The following ATM variants were observed in gnomAD, a reference collection of about 807,000 sequenced individuals.
ATM encodes serine-protein kinase ATM.
A neutral mutation model predicts 387.0 loss-of-function variants in ATM; 308 were observed. That is an observed-to-expected ratio of 0.80 (90% CI 0.73 to 0.87). The LOEUF (loss-of-function observed/expected upper bound fraction) is 0.87, where lower values mean the gene tolerates loss of function less well. ATM is among the 40% of genes least tolerant of loss of function. The pLI is 0.00. For synonymous variants in ATM, 1,156 were observed against 1,187.3 expected (o/e 0.97, Z 0.54); for missense variants, 3,312 against 3,560.9 (o/e 0.93, Z 1.78).
At chr11:108,349,812 G>A (rs1038053350) in intron 59 of ATM, among the ~76,000 whole-genome samples, 4 of 152,134 alleles carry the variant, frequency 2.6e-5, no homozygotes, top group Admixed American at 1.3e-4. Flanking sequence ...AGATACAGGA[G>A]AAAAACAAAA....
chr11:108,330,694 G>A lies in ATM; in HGVS notation c.7515+273G>A, dbSNP rs2086161851. ...TGTGGAGGTGATAGAATTTAGCTTG[G>A]TCCTATGTCTTTGCAGTTACCATAG... On this transcript the variant is annotated intron_variant, in intron 50 of 62. Transcript: ENST00000675843. 1.3e-5 allele frequency among the ~76,000 whole-genome samples: 2 copies of A among 152,184 alleles called. 1 individual carries two copies. Among genetic ancestry groups the A allele is most frequent in the South Asian group, 4.1e-4 (2 of 4,830 alleles).
At chr11:108,364,966 C>A in intron 61 of ATM, 116 bp from the exon 62 acceptor site, 1 of 1,168,842 alleles carries the variant, frequency 8.6e-7, no homozygotes, top group Non-Finnish European at 1.2e-6. Flanking sequence ...TGTTTGTTCC[C>A]CTCCCCCATC....
intron 12 of ATM, 83 bp downstream of exon 12, chr11:108,252,995 C>A: frequency 8.3e-7 from 1 of 1,208,198 alleles, no homozygotes; most frequent in Non-Finnish European, 1.2e-6. Context: ...GTAGTAGCTG[C>A]ATCTTAATAA....
At chr11:108,279,385 C>T in intron 22 of ATM, 106 bp from the exon 23 acceptor site, 1 of 824,746 alleles carries the variant, frequency 1.2e-6, no homozygotes, top group Non-Finnish European at 2.0e-6. Flanking sequence ...GTTATTATGT[C>T]TCACAGAGTG....
intron 51 of ATM, 21 bp from the exon 52 acceptor site, chr11:108,331,858 C>T (rs2136512963): frequency 6.2e-7 from 1 of 1,611,014 alleles, no homozygotes; most frequent in East Asian, 2.2e-5. Context: ...TTGCATAAAT[C>T]TAATAGTTCT....
chr11:108,295,003 G>T lies in ATM; in HGVS notation c.4853G>T (p.Arg1618Leu), dbSNP rs765759912. ...LTRLEGLKDL[R>L]RQLELHKDQM... ...AGACTTGAAGGACTAAAGGATCTTCGAAGACAACTGGAACTACATAAAGAT... is the reference window on the plus strand; with the variant it reads ...AGACTTGAAGGACTAAAGGATCTTCTAAGACAACTGGAACTACATAAAGAT... Residue 1618 changes from arginine to leucine, a missense_variant, in exon 32 of 63, where the codon CGA (arginine) becomes CTA (leucine). Arg to Leu is a moderately radical substitution (Grantham distance 102, BLOSUM62 -2). Around this residue, in one of 4 missense-constraint regions of ATM, gnomAD observed 1,405 missense variants for 1,604.4 expected, o/e 0.88. Transcript: ENST00000675843. The T allele has an allele frequency of 1.2e-6, 2 of 1,613,880 alleles. No homozygotes were observed. The highest frequency in any genetic ancestry group is 2.2e-5 in the East Asian group (1 of 44,828).
chr11:108,253,022 T>G, intron 12 of ATM, 110 bp downstream of exon 12: 1 of 979,374 alleles, frequency 1.0e-6, no homozygotes, highest in South Asian at 1.5e-5. Flanking sequence ...ACTAAATTGG[T>G]CCAAAAAAAT....
chr11:108,299,840 C>G lies in ATM; in HGVS notation c.5132C>G (p.Thr1711Ser), dbSNP rs1291016764. 1.2e-6 allele frequency: 2 copies of G among 1,613,782 alleles called. No individual in the cohort carries two copies. Among genetic ancestry groups the G allele is most frequent in the Admixed American group, 3.3e-5 (2 of 59,988 alleles). The change falls in exon 34 of 63, where the codon ACC becomes AGC. Residue 1711 changes from threonine (T) to serine (S), a missense_variant. Thr to Ser is a moderately conservative substitution (Grantham distance 58). Around this residue, in one of 4 missense-constraint regions of ATM, gnomAD observed 1,405 missense variants for 1,604.4 expected, o/e 0.88. Coordinates refer to ENST00000675843, the MANE Select transcript of ATM (RefSeq NM_000051.4). The stretch of plus-strand genomic sequence containing the variant: ...TTTGAAGATAAAGAACTTCAGTGGA[C>G]CTTCATAATGCTGACCTACCTGAAT... ...KLFEDKELQWTFIMLTYLNNT... is the reference protein window; with the variant it reads ...KLFEDKELQWSFIMLTYLNNT...
At chr11:108,227,565 T>C in intron 1 of ATM, 30 bp from the exon 2 acceptor site, 1 of 1,344,930 alleles carries the variant, frequency 7.4e-7, no homozygotes, top group South Asian at 1.2e-5. Flanking sequence ...TACATATACA[T>C]ATATATACCT....
chr11:108,297,002 G>C (rs572443720), intron 32 of ATM: 183 of 377,368 alleles, frequency 4.8e-4, no homozygotes, highest in African/African-American at 3.3e-3. Flanking sequence ...AATGATTCTT[G>C]TGCTTCTGTT....
chr11:108,235,249 T>C (rs1448998174), intron 4 of ATM, among the ~76,000 whole-genome samples: 1 of 151,620 alleles, frequency 6.6e-6, no homozygotes, highest in African/African-American at 2.4e-5. Flanking sequence ...TGTGCTGAGT[T>C]TGTGCCACTG....
intron 59 of ATM, among the ~76,000 whole-genome samples, chr11:108,349,520 G>A (rs1338241656): frequency 2.6e-5 from 4 of 152,106 alleles, no homozygotes; most frequent in African/African-American, 7.2e-5. Context: ...AAAATTAGCC[G>A]GGCGAGGTGG....
intron 61 of ATM, among the ~76,000 whole-genome samples, chr11:108,360,091 C>A (rs1375255842): frequency 2.6e-5 from 4 of 151,446 alleles, no homozygotes; most frequent in African/African-American, 9.7e-5. Context: ...CAAATAGACA[C>A]AATAAAAAAT....
chr11:108,312,463 G>T lies in ATM; in HGVS notation c.5971G>T (p.Glu1991Ter), dbSNP rs786203404. Reference protein sequence around the residue: ...SQSTTISSLSEKSKEETGISL... With the variant: ...SQSTTISSLS ...GAGTACAACTATTTCTAGCTTGAGT[G>T]AAAAAAGTAAAGAAGAAACTGGAAT... is the stretch of plus-strand genomic sequence containing the variant. Residue 1991 changes from glutamate (E) to a stop codon, truncating the protein, a stop_gained, in exon 40 of 63, where the codon GAA (glutamate) becomes TAA (stop). Transcript: ENST00000675843. LOFTEE classifies it high-confidence loss of function. The T allele has an allele frequency of 6.3e-7, 1 of 1,594,348 alleles. No individual in the cohort carries two copies. The highest frequency in any genetic ancestry group is 8.6e-7 in the Non-Finnish European group (1 of 1,162,542).
chr11:108,335,312 A>G (rs1366176284), intron 55 of ATM: 1 of 1,468,604 alleles, frequency 6.8e-7, no homozygotes, highest in Non-Finnish European at 9.1e-7. Context: ...AATCATTATT[A>G]TATGGTTGAT....
chr11:108,253,128 TA>T (rs1424955576), intron 12 of ATM, among the ~76,000 whole-genome samples: 1 of 152,162 alleles, frequency 6.6e-6, no homozygotes, highest in African/African-American at 2.4e-5. Context: ...TAATGCTGTA[TA>T]GTATAATATG....
rs3092837 is a variant in ATM, at chr11:108,366,192, T to G, written c.*684T>G. ...ATTAAAACTTCTCATTCTATTCTCT[T>G]TATCTTTTAAGCCCTTCTGTACTGT... On this transcript the variant is annotated 3_prime_UTR_variant, in exon 63 of 63. Coordinates refer to ENST00000675843, the MANE Select transcript of ATM (RefSeq NM_000051.4). The G allele has an allele frequency of 8.3e-3, 1,612 of 194,936 alleles. 27 individuals carry two copies. The highest frequency in any genetic ancestry group is 0.034 in the African/African-American group (1,492 of 43,400). 12.1% of individuals were successfully genotyped at this position (194,936 alleles called of 1,614,324 possible).
Position 108,295,432 on chromosome 11 carries a change from T to A in ATM, c.4909+373T>A, listed in dbSNP as rs1170100705. 6 of 244,576 alleles carry A rather than the reference T, an allele frequency of 2.5e-5. No homozygotes were observed. In the East Asian group the frequency reaches 6.5e-4, roughly 27 times the overall value. 15.2% of individuals were successfully genotyped at this position (244,576 alleles called of 1,614,324 possible). On this transcript the variant is annotated intron_variant, in intron 32 of 62. Coordinates refer to ENST00000675843, the MANE Select transcript of ATM (RefSeq NM_000051.4). ...ACCTTGAATTCCTGGGTACAAGGAA[T>A]TCTCCTGTCTCAGCCTTCTGAATAG... is the stretch of plus-strand genomic sequence containing the variant.
chr11:108,249,216 C>A, intron 9 of ATM, 114 bp downstream of exon 9: 1 of 1,208,128 alleles, frequency 8.3e-7, no homozygotes. Flanking sequence ...ATTTGTCTAC[C>A]CCCAAACCTA....
Sources: allele counts gnomAD v4.1 joint callset (sites outside exome capture counted in the v4.1 genomes callset), GRCh38; gene constraint gnomAD v4.1.1; regional missense constraint gnomAD v4.1.1; transcripts MANE v1.5; gene names NCBI Gene and HGNC (gene_info 2026-07-23, HGNC 2026-07-21).